TET3: variants seen among roughly 807,000 people sequenced by gnomAD.
TET3 encodes the protein tet methylcytosine dioxygenase 3, also known as methylcytosine dioxygenase TET3.
TET3 carries 19 observed loss-of-function variants against 141.4 expected under a neutral mutation model. The ratio of observed to expected loss-of-function variants is 0.13; its 90% CI spans 0.09 to 0.20. The LOEUF is 0.20. Among genes scored for constraint, TET3 ranks in the 10% least tolerant of loss-of-function variants. The pLI, the probability that TET3 is intolerant of heterozygous loss-of-function variation, is 1.00. For missense variants in TET3, 1,874 were observed against 2,356.9 expected (o/e 0.80, Z 4.24); for synonymous variants, 1,043 against 980.9 (o/e 1.06, Z -1.18).
intron 3 of TET3, among the ~76,000 whole-genome samples, chr2:74,018,744 C>CTT (rs10717099): frequency 1.2e-4 from 16 of 137,104 alleles, no homozygotes; most frequent in African/African-American, 4.0e-4. Flanking sequence ...ATACTTCTTA[C>CTT]TTTTTTTTTT....
intron 3 of TET3, among the ~76,000 whole-genome samples, chr2:74,022,094 C>CCTTTTTTTTTTTTTTTTT (rs57671706): frequency 1.2e-5 from 1 of 82,768 alleles, no homozygotes; most frequent in African/African-American, 5.1e-5. Flanking sequence ...TTCTAGGACA[C>CCTTTTTTTTTTTTTTTTT]TTTTTTTTTT....
At chr2:74,048,435 A>T in intron 4 of TET3, 24 bp downstream of exon 4, 1 of 1,577,438 alleles carries the variant, frequency 6.3e-7, no homozygotes, top group Non-Finnish European at 8.6e-7. Flanking sequence ...GGTATCAGGG[A>T]AGGGCAGAGA....
intron 4 of TET3, among the ~76,000 whole-genome samples, chr2:74,071,486 C>T (rs1452114158): frequency 6.6e-6 from 1 of 152,138 alleles, no homozygotes; most frequent in Non-Finnish European, 1.5e-5. Context: ...AATAATTTTA[C>T]ATTTATGGGA....
chr2:74,028,352 GTTTATCT>G (rs1686493183), intron 3 of TET3, among the ~76,000 whole-genome samples: 2 of 151,908 alleles, frequency 1.3e-5, no homozygotes, highest in African/African-American at 4.8e-5. Context: ...ATGAAGTACA[GTTTATCT>G]TTTTTCTTTT....
Position 74,007,547 on chromosome 2 carries a change from T to G in TET3, c.360+4381T>G, listed in dbSNP as rs1685209114. ...GAACCTGAAATTGCCTTAGACTCATTTAGAGTGTGGGCCCCGCAGCCCTTA... is the reference window on the plus strand; with the variant it reads ...GAACCTGAAATTGCCTTAGACTCATGTAGAGTGTGGGCCCCGCAGCCCTTA... On this transcript the variant is annotated intron_variant, in intron 3 of 11. Transcript: ENST00000409262. Among the ~76,000 whole-genome samples, 2 of 152,156 alleles carry G rather than the reference T, an allele frequency of 1.3e-5. 1 individual carries two copies. The highest frequency in any genetic ancestry group is 4.1e-4 in the South Asian group (2 of 4,832).
At chr2:74,051,219 A>G (rs754821289) in intron 4 of TET3, among the ~76,000 whole-genome samples, 1 of 152,210 alleles carries the variant, frequency 6.6e-6, no homozygotes, top group Non-Finnish European at 1.5e-5. Context: ...AGGAGCCTCC[A>G]CCAGAGAGGA....
At chr2:74,113,804 G>A in the TET3 span, among the ~76,000 whole-genome samples, 1 of 137,320 alleles carries the variant, frequency 7.3e-6, no homozygotes, top group Non-Finnish European at 1.6e-5. Context: ...TATTGAAGAG[G>A]ATACAAACAA....
At chr2:74,054,746 A>G (rs1307122909) in intron 4 of TET3, among the ~76,000 whole-genome samples, 2 of 152,228 alleles carry the variant, frequency 1.3e-5, no homozygotes, top group African/African-American at 2.4e-5. Context: ...GGATAGTTTC[A>G]AGGTCGGGAG....
At chr2:74,110,042 A>G (rs1274945161), downstream of TET3, among the ~76,000 whole-genome samples, 3 of 152,196 alleles carry the variant, frequency 2.0e-5, no homozygotes, top group African/African-American at 7.2e-5. Context: ...TTGCTACAGA[A>G]GTGAAAGTGC....
At chr2:74,074,957 C>T (rs1197935867) in intron 5 of TET3, among the ~76,000 whole-genome samples, 5 of 152,034 alleles carry the variant, frequency 3.3e-5, no homozygotes, top group Admixed American at 6.6e-5. Flanking sequence ...CTGCAAGCTC[C>T]GCCTCCAGGT....
chr2:74,002,735 C>T (rs918794737), intron 2 of TET3: 9 of 525,534 alleles, frequency 1.7e-5, no homozygotes, highest in East Asian at 1.7e-4. Flanking sequence ...TGCCTCCCTC[C>T]GTGCGCTCCC....
chr2:73,991,576 G>A (rs887800274), intron 2 of TET3, among the ~76,000 whole-genome samples: 36 of 152,046 alleles, frequency 2.4e-4, no homozygotes, highest in Admixed American at 2.2e-3. Context: ...ATGTAGATCA[G>A]GGGTTCCACA....
chr2:74,022,767 TCTG>T (rs1247169533), intron 3 of TET3, among the ~76,000 whole-genome samples: 1 of 151,868 alleles, frequency 6.6e-6, no homozygotes, highest in Admixed American at 6.6e-5. Flanking sequence ...AGGCTGAGAG[TCTG>T]CTTTTTATTT....
In TET3 at chr2:74,093,262, C is replaced by T. The variant is rs555200362; in HGVS notation, c.3130-267C>T. Among the ~76,000 whole-genome samples the T allele has an allele frequency of 1.8e-4, 28 of 152,296 alleles. No individual in the cohort carries two copies. The highest frequency in any genetic ancestry group is 3.4e-4 in the Non-Finnish European group (23 of 68,022). ...TGGTCTGGTATCCACTGGTGAGGCC[C>T]GAGTTTCTCTCACCTGTCACCCTTG... On this transcript the variant is annotated intron_variant, in intron 9 of 11. Coordinates refer to ENST00000409262, the MANE Select transcript of TET3 (RefSeq NM_001287491.2). This position sits in a 1 kb window ranked among gnomAD's most constrained non-coding sequence, Gnocchi z 4.2.
At chr2:74,130,950 A>G in the TET3 span, 1 of 152,272 alleles carries the variant, frequency 6.6e-6, no homozygotes, top group East Asian at 1.9e-4. Flanking sequence ...AGGTGAATTA[A>G]TGGATACGCA....
chr2:74,005,192 C>T (rs1685090645), intron 3 of TET3, among the ~76,000 whole-genome samples: 1 of 152,194 alleles, frequency 6.6e-6, no homozygotes, highest in Admixed American at 6.5e-5. Flanking sequence ...TTCCGCAGTC[C>T]TGCTGGAAGC....
chr2:74,083,660 C>A (rs13021880), intron 6 of TET3, among the ~76,000 whole-genome samples: 1 of 151,994 alleles, frequency 6.6e-6, no homozygotes. Flanking sequence ...CTCCTTCATA[C>A]GAGTGTGGGT....
chr2:74,134,200 C>T, the TET3 span, among the ~76,000 whole-genome samples: 6,174 of 152,260 alleles, frequency 0.041, 228 homozygotes, highest in African/African-American at 0.1. Context: ...TTGGGTGTTT[C>T]CTCACCGTAT....
intron 10 of TET3, among the ~76,000 whole-genome samples, chr2:74,098,527 T>G (rs77243304): frequency 0.16 from 24,911 of 152,164 alleles, 2,432 homozygotes; most frequent in Non-Finnish European, 0.23. Context: ...GGATGGGAGA[T>G]TTTGTTTCCT....
Sources: allele counts gnomAD v4.1 joint callset (sites outside exome capture counted in the v4.1 genomes callset), GRCh38; gene constraint gnomAD v4.1.1; non-coding constraint Gnocchi (gnomAD v3.1); transcripts MANE v1.5; gene names NCBI Gene and HGNC (gene_info 2026-07-23, HGNC 2026-07-21).